Variants in SAMD3 observed in about 807,000 individuals in gnomAD.
SAMD3 encodes the protein sterile alpha motif domain-containing protein 3.
In SAMD3, 63 loss-of-function variants were observed where a neutral mutation model predicts 58.5. The ratio of observed to expected loss-of-function variants is 1.08; its 90% CI spans 0.88 to 1.33. SAMD3 has a LOEUF of 1.33. SAMD3 is among the 40% of genes most tolerant of loss of function. The pLI is 0.00. For synonymous variants in SAMD3, 220 were observed against 210.3 expected, an observed-to-expected ratio of 1.05 and a Z score of -0.40; for missense variants, 604 against 608.4, an observed-to-expected ratio of 0.99 and a Z score of 0.08.
intron 1 of SAMD3, among the ~76,000 whole-genome samples, chr6:130,353,209 T>C (rs931745203): frequency 2.0e-5 from 3 of 152,208 alleles, no homozygotes; most frequent in African/African-American, 7.2e-5. Context: ...TCCATAATAA[T>C]ATCTCTAATC....
chr6:130,159,657 T>C (rs1790105386), intron 8 of SAMD3: 2 of 152,150 alleles, frequency 1.3e-5, no homozygotes, highest in African/African-American at 4.8e-5. Flanking sequence ...TACATTAAAA[T>C]TGCAACCTTG....
At chr6:130,175,768 G>T in intron 8 of SAMD3, 73 bp downstream of exon 8, 4 of 943,134 alleles carry the variant, frequency 4.2e-6, no homozygotes, top group Non-Finnish European at 6.4e-6. Flanking sequence ...TATTTTAAAT[G>T]CTATTATTTA....
chr6:130,180,607 C>A (rs1792219059), intron 7 of SAMD3, among the ~76,000 whole-genome samples: 1 of 152,172 alleles, frequency 6.6e-6, no homozygotes, highest in African/African-American at 2.4e-5. Context: ...GCTCCTCTCC[C>A]TCCCCTTGTT....
upstream of SAMD3, among the ~76,000 whole-genome samples, chr6:130,226,074 A>G (rs1796375106): frequency 6.6e-6 from 1 of 152,174 alleles, no homozygotes; most frequent in African/African-American, 2.4e-5. Context: ...AATTCAGGAC[A>G]GCGCCGCTTT....
chr6:130,285,049 T>G (rs1210052799), intron 2 of SAMD3, among the ~76,000 whole-genome samples: 3 of 152,196 alleles, frequency 2.0e-5, no homozygotes, highest in Admixed American at 1.3e-4. Flanking sequence ...TGAGACTGAT[T>G]TATACATTCA....
chr6:130,144,348 C>G lies in SAMD3; in HGVS notation c.*172G>C, dbSNP rs919602807. On this transcript the variant is annotated 3_prime_UTR_variant, in exon 12 of 12. Transcript: ENST00000439090. Reference sequence around the variant, plus strand: ...AGTAGAATTTTATTACAGAATTTCACAAAGAACTTAATATCTAAGTGTAAA... The same window carrying G: ...AGTAGAATTTTATTACAGAATTTCAGAAAGAACTTAATATCTAAGTGTAAA... 1.7e-6 allele frequency: 1 copy of G among 583,410 alleles called. No homozygotes were observed. Among genetic ancestry groups the G allele is most frequent in the African/African-American group, 1.9e-5 (1 of 52,606 alleles). The allele number at this position is 583,410 out of a possible 1,614,324, so 36.1% of individuals were successfully genotyped here.
At chr6:130,270,144 T>G (rs4897388) in intron 2 of SAMD3, among the ~76,000 whole-genome samples, 47,271 of 151,930 alleles carry the variant, frequency 0.31, 7,724 homozygotes, top group East Asian at 0.47. Flanking sequence ...CAGGCTGGAG[T>G]GCAGTGACAT....
At chr6:130,206,122 T>G (rs1795060080) in intron 5 of SAMD3, among the ~76,000 whole-genome samples, 1 of 152,184 alleles carries the variant, frequency 6.6e-6, no homozygotes, top group South Asian at 2.1e-4. Context: ...TAAAAATAGA[T>G]ACTTCACCCT....
At chr6:130,239,866 G>A (rs1162862622) in intron 2 of SAMD3, among the ~76,000 whole-genome samples, 1 of 152,156 alleles carries the variant, frequency 6.6e-6, no homozygotes, top group Non-Finnish European at 1.5e-5. Context: ...CTCACTGTGG[G>A]TTGACCGGAA....
intron 2 of SAMD3, among the ~76,000 whole-genome samples, chr6:130,216,143 C>T (rs1157358464): frequency 6.6e-6 from 1 of 151,956 alleles, no homozygotes; most frequent in Non-Finnish European, 1.5e-5. Flanking sequence ...TTTTTGTATG[C>T]CACTTGTCTG....
chr6:130,145,715 A>G (rs1788559496), intron 10 of SAMD3, among the ~76,000 whole-genome samples: 1 of 152,184 alleles, frequency 6.6e-6, no homozygotes, highest in African/African-American at 2.4e-5. Flanking sequence ...TTAACTGGTT[A>G]CTAGTTCCCT....
At chr6:130,311,516 C>T (rs73617804) in intron 2 of SAMD3, among the ~76,000 whole-genome samples, 23,778 of 152,098 alleles carry the variant, frequency 0.16, 2,164 homozygotes, top group East Asian at 0.36. Context: ...TTTTAAAAAA[C>T]TGACTGAGAC....
intron 1 of SAMD3, among the ~76,000 whole-genome samples, chr6:130,343,801 C>T (rs1777350570): frequency 6.6e-6 from 1 of 152,064 alleles, no homozygotes; most frequent in Non-Finnish European, 1.5e-5. Context: ...CCTGTCTCTA[C>T]TAAAAATACA....
intron 8 of SAMD3, among the ~76,000 whole-genome samples, chr6:130,173,837 A>T (rs1468190688): frequency 6.6e-6 from 1 of 152,114 alleles, no homozygotes; most frequent in South Asian, 2.1e-4. Context: ...GGAGATGGGG[A>T]TTATGTCTGT....
Position 130,209,506 on chromosome 6 carries a change from T to C in SAMD3, c.372A>G (p.Val124=), listed in dbSNP as rs1414439017. Residue 124 remains valine, a synonymous_variant, in exon 5 of 12, where the codon GTA becomes GTG. Transcript: ENST00000439090. ...GTTGGTACCCCCACCTCTGTTTCAA[T>C]ACTCTTTGGTCAATTAGTCCATTAT... ...NLDNGLIDQR[V]LKQRRNVKQI... 8 of 1,601,250 alleles carry C rather than the reference T, an allele frequency of 5.0e-6. No homozygotes were observed. The highest frequency in any genetic ancestry group is 6.8e-6 in the Non-Finnish European group (8 of 1,168,384).
intron 1 of SAMD3, among the ~76,000 whole-genome samples, chr6:130,340,559 G>T (rs1178732752): frequency 1.3e-5 from 2 of 152,146 alleles, no homozygotes; most frequent in Non-Finnish European, 2.9e-5. Flanking sequence ...AGTTTCTGGG[G>T]GATTGGGGTA....
upstream of SAMD3, among the ~76,000 whole-genome samples, chr6:130,225,972 T>C (rs183266524): frequency 4.5e-4 from 68 of 152,376 alleles, 3 homozygotes; most frequent in East Asian, 0.011. Context: ...ACCCTTCTTA[T>C]CTAATTGATG....
At chr6:130,252,387 T>C (rs1333952051) in intron 2 of SAMD3, among the ~76,000 whole-genome samples, 4 of 151,668 alleles carry the variant, frequency 2.6e-5, no homozygotes, top group African/African-American at 9.7e-5. Flanking sequence ...TCATTTTTTT[T>C]CTTCCTGAAA....
chr6:130,282,953 G>A (rs1775031604), intron 2 of SAMD3, among the ~76,000 whole-genome samples: 1 of 152,118 alleles, frequency 6.6e-6, no homozygotes, highest in Non-Finnish European at 1.5e-5. Context: ...CAGCAATGGG[G>A]ATAATCGGAA....
Sources: allele counts gnomAD v4.1 joint callset (sites outside exome capture counted in the v4.1 genomes callset), GRCh38; gene constraint gnomAD v4.1.1; transcripts MANE v1.5; gene names NCBI Gene and HGNC (gene_info 2026-07-23, HGNC 2026-07-21).